Variants in SLC9C1 observed in about 807,000 individuals in gnomAD.
SLC9C1 encodes sodium/hydrogen exchanger 10.
SLC9C1 carries 97 observed loss-of-function variants against 140.9 expected under a neutral mutation model. That is an observed-to-expected ratio of 0.69 (90% CI 0.58 to 0.82). The LOEUF is 0.82. SLC9C1 is among the 40% of genes least tolerant of loss of function. The pLI is 0.00. For synonymous variants in SLC9C1, 440 were observed against 442.6 expected (o/e 0.99, Z 0.07); for missense variants, 1,340 against 1,389.3 (o/e 0.96, Z 0.56).
intron 26 of SLC9C1, among the ~76,000 whole-genome samples, chr3:112,162,108 G>C (rs2075318088): frequency 6.6e-6 from 1 of 152,076 alleles, no homozygotes; most frequent in Non-Finnish European, 1.5e-5. Flanking sequence ...TGTGATTTTT[G>C]CACATTGATT....
At chr3:112,175,894 G>C (rs181244723) in intron 23 of SLC9C1, among the ~76,000 whole-genome samples, 1 of 152,338 alleles carries the variant, frequency 6.6e-6, no homozygotes, top group Admixed American at 6.5e-5. Flanking sequence ...GCTGCTACCC[G>C]TGGCTGGCTG....
intron 23 of SLC9C1, among the ~76,000 whole-genome samples, chr3:112,173,300 A>G (rs4682087): frequency 0.78 from 118,641 of 152,100 alleles, 46,570 homozygotes; most frequent in East Asian, 0.99. Context: ...TTTAGGTTTA[A>G]GGATAGAAGT....
intron 28 of SLC9C1, among the ~76,000 whole-genome samples, chr3:112,150,753 T>A (rs565295479): frequency 7.3e-4 from 105 of 144,232 alleles, no homozygotes; most frequent in African/African-American, 2.5e-3. Flanking sequence ...ATATATAAAA[T>A]ATATATATAA....
At chr3:112,167,170 T>G in intron 26 of SLC9C1, 51 bp downstream of exon 26, 3 of 1,588,524 alleles carry the variant, frequency 1.9e-6, no homozygotes, top group Non-Finnish European at 2.6e-6. Flanking sequence ...ATATGGCTAT[T>G]TTATAAAGGG....
At chr3:112,208,511 C>G (rs898619837) in intron 15 of SLC9C1, 138 bp from the exon 16 acceptor site, 4 of 479,636 alleles carry the variant, frequency 8.3e-6, no homozygotes, top group Non-Finnish European at 1.4e-5. Flanking sequence ...CTAGCTAACA[C>G]GTTCTGGCAT....
At chr3:112,154,186 C>G (rs1393675305) in intron 27 of SLC9C1, among the ~76,000 whole-genome samples, 1 of 152,100 alleles carries the variant, frequency 6.6e-6, no homozygotes, top group Admixed American at 6.5e-5. Flanking sequence ...AATTTTATGG[C>G]TTGTGTATTC....
intron 2 of SLC9C1, among the ~76,000 whole-genome samples, chr3:112,285,908 G>A (rs2080494663): frequency 6.6e-6 from 1 of 152,104 alleles, no homozygotes; most frequent in African/African-American, 2.4e-5. Flanking sequence ...CGGGACTACT[G>A]GTGCGTGCTA....
intron 10 of SLC9C1, among the ~76,000 whole-genome samples, chr3:112,253,659 C>T (rs570938730): frequency 5.9e-5 from 9 of 152,274 alleles, no homozygotes; most frequent in Admixed American, 5.9e-4. Context: ...AAAGGGACAC[C>T]CAAACACAGA....
At chr3:112,242,686 ATTGT>A (rs2079169513) in intron 11 of SLC9C1, among the ~76,000 whole-genome samples, 1 of 152,200 alleles carries the variant, frequency 6.6e-6, no homozygotes, top group Non-Finnish European at 1.5e-5. Context: ...GCACAATTGG[ATTGT>A]TTGTAACACA....
At chr3:112,253,940 AAGGTTATTGCC>A (rs1306113038) in intron 10 of SLC9C1, among the ~76,000 whole-genome samples, 1 of 152,228 alleles carries the variant, frequency 6.6e-6, no homozygotes, top group African/African-American at 2.4e-5. Flanking sequence ...AAAATTCCAC[AAGGTTATTGCC>A]AGTATTAACA....
chr3:112,239,623 CAT>C (rs2079087388), intron 12 of SLC9C1, among the ~76,000 whole-genome samples: 1 of 152,106 alleles, frequency 6.6e-6, no homozygotes, highest in African/African-American at 2.4e-5. Flanking sequence ...ATATTTTAAA[CAT>C]ATATATTCAA....
In SLC9C1 at chr3:112,179,520, GTTT is replaced by G; in HGVS notation, c.2919+8_2919+10del. ...AAATACAACAAAAGTCACAGGCGAA[GTTT>G]TTCTGACCTCCACTACAGTTTTGCA... On this transcript the variant is annotated splice_region_variant and intron_variant, in intron 23 of 28. Coordinates refer to ENST00000305815, the MANE Select transcript of SLC9C1 (RefSeq NM_183061.3). The G allele has an allele frequency of 6.3e-7, 1 of 1,585,884 alleles. No individual in the cohort carries two copies. The highest frequency in any genetic ancestry group is 8.5e-7 in the Non-Finnish European group (1 of 1,171,788).
intron 14 of SLC9C1, among the ~76,000 whole-genome samples, chr3:112,218,568 C>T (rs2078452695): frequency 6.6e-6 from 1 of 152,000 alleles, no homozygotes. Flanking sequence ...TGACTTGATT[C>T]ATTTATAATT....
rs531247100 is a variant in SLC9C1 at position 112,150,734 on chromosome 3, A to AAT, written c.3524+1121_3524+1122dup. On this transcript the variant is annotated intron_variant, in intron 28 of 28. Transcript: ENST00000305815. ...TAAAATATGGAGGTGGCATGGAAGAAATATATATATATATAAAATATATAT... is the reference window on the plus strand; with the variant it reads ...TAAAATATGGAGGTGGCATGGAAGAAATATATATATATATATAAAATATATAT... Among the ~76,000 whole-genome samples, 379 of 145,598 alleles carry AAT rather than the reference A, an allele frequency of 2.6e-3. 1 individual carries two copies. Among genetic ancestry groups the AAT allele is most frequent in the Non-Finnish European group, 3.6e-3 (238 of 66,514 alleles).
At chr3:112,190,155 G>A (rs185813334) in intron 20 of SLC9C1, among the ~76,000 whole-genome samples, 7 of 152,262 alleles carry the variant, frequency 4.6e-5, no homozygotes, top group Admixed American at 3.9e-4. Flanking sequence ...GGGTTTTCTA[G>A]ATATACAATC....
chr3:112,176,221 C>T (rs1034069420), intron 23 of SLC9C1, among the ~76,000 whole-genome samples: 3 of 152,198 alleles, frequency 2.0e-5, no homozygotes, highest in Non-Finnish European at 2.9e-5. Context: ...TCCTCATTCA[C>T]TCACTGCTTC....
chr3:112,165,091 C>T (rs925277752), intron 26 of SLC9C1, among the ~76,000 whole-genome samples: 8 of 152,308 alleles, frequency 5.3e-5, no homozygotes, highest in Non-Finnish European at 1.0e-4. Flanking sequence ...GCGTTCATCA[C>T]GTAGTTCTTG....
rs532763857 is a variant in SLC9C1, at chr3:112,238,800, C to T, written c.1446+1040G>A. ...ATTGCTGAACAGGCAATGTTGCTGT[C>T]TGATTGTTCCTCTGGAGGTTTCCTC... On this transcript the variant is annotated intron_variant, in intron 12 of 28. Transcript: ENST00000305815. 2.0e-5 allele frequency among the ~76,000 whole-genome samples: 3 copies of T among 152,296 alleles called. No individual in the cohort carries two copies. The East Asian group carries it at 5.8e-4, about 29-fold the overall frequency.
intron 15 of SLC9C1, among the ~76,000 whole-genome samples, chr3:112,216,803 C>A (rs2108103510): frequency 6.6e-6 from 1 of 152,304 alleles, no homozygotes; most frequent in African/African-American, 2.4e-5. Flanking sequence ...GTGGCGATTC[C>A]TCAAGGATCT....
Sources: allele counts gnomAD v4.1 joint callset (sites outside exome capture counted in the v4.1 genomes callset), GRCh38; gene constraint gnomAD v4.1.1; transcripts MANE v1.5; gene names NCBI Gene and HGNC (gene_info 2026-07-23, HGNC 2026-07-21).